Variants in MDFIC observed in about 807,000 individuals in gnomAD.
MDFIC encodes the protein MyoD family inhibitor domain containing, also known as myoD family inhibitor domain-containing protein.
Under a neutral mutation model 23.2 loss-of-function variants are expected in MDFIC, and 17 were observed. That is an observed-to-expected ratio of 0.73 (90% confidence interval 0.50 to 1.10). The LOEUF (loss-of-function observed/expected upper bound fraction) is 1.10, where lower values mean the gene tolerates loss of function less well. MDFIC is among the 50% of genes least tolerant of loss of function. The pLI is 0.00. For missense variants in MDFIC, 356 were observed against 316.6 expected (o/e 1.12, Z -0.95); for synonymous variants, 120 against 115.2 (o/e 1.04, Z -0.27).
intron 4 of MDFIC, among the ~76,000 whole-genome samples, chr7:114,991,309 C>T (rs1791153030): frequency 6.6e-6 from 1 of 152,126 alleles, no homozygotes; most frequent in Admixed American, 6.5e-5. Context: ...TGCCTGTTCA[C>T]TCTGATGGTA....
intron 4 of MDFIC, among the ~76,000 whole-genome samples, chr7:114,981,942 T>C (rs1793424280): frequency 6.6e-6 from 1 of 152,204 alleles, no homozygotes; most frequent in Non-Finnish European, 1.5e-5. Flanking sequence ...GTTGAACTGG[T>C]AGATGGCAAA....
Position 115,018,752 on chromosome 7 carries a change from T to C in MDFIC, c.*2817T>C, listed in dbSNP as rs1791845811. On this transcript the variant is annotated 3_prime_UTR_variant, in exon 5 of 5. Coordinates refer to ENST00000393486, the MANE Select transcript of MDFIC (RefSeq NM_001166345.3). Reference sequence around the variant, plus strand: ...TTTGAAAATTTTTAAAAATGACTTCTTTATTTTGCTTTACCGTATGTTTAT... The same window carrying C: ...TTTGAAAATTTTTAAAAATGACTTCCTTATTTTGCTTTACCGTATGTTTAT... The C allele has an allele frequency of 6.6e-6, 1 of 152,308 alleles. No individual in the cohort carries two copies. Among genetic ancestry groups the C allele is most frequent in the African/African-American group, 2.4e-5 (1 of 41,448 alleles). 9.4% of individuals were successfully genotyped at this position (152,308 alleles called of 1,614,324 possible). A position where few individuals can be genotyped will look rare whatever the true frequency, so the allele number is the denominator to read the frequency against.
chr7:114,966,290 T>G (rs1793094550), intron 3 of MDFIC, among the ~76,000 whole-genome samples: 1 of 152,124 alleles, frequency 6.6e-6, no homozygotes, highest in Non-Finnish European at 1.5e-5. Flanking sequence ...AAAGAATGAT[T>G]TGTGAGTGCC....
intron 4 of MDFIC, among the ~76,000 whole-genome samples, chr7:114,987,528 C>T (rs551551603): frequency 4.9e-4 from 75 of 152,232 alleles, no homozygotes; most frequent in African/African-American, 1.7e-3. Context: ...TTTTCTCAGG[C>T]GCAGTGCCTT....
chr7:115,001,993 C>T (rs1791474667), intron 4 of MDFIC, among the ~76,000 whole-genome samples: 1 of 151,978 alleles, frequency 6.6e-6, no homozygotes, highest in African/African-American at 2.4e-5. Context: ...AAAAATTAGC[C>T]AGGTGTGGTG....
At chr7:114,944,863 G>A (rs1470778588) in intron 3 of MDFIC, among the ~76,000 whole-genome samples, 1 of 152,216 alleles carries the variant, frequency 6.6e-6, no homozygotes, top group African/African-American at 2.4e-5. Context: ...TCCGATTCCA[G>A]GAGTCCTGTG....
intron 4 of MDFIC, among the ~76,000 whole-genome samples, chr7:115,003,240 T>C (rs1221220244): frequency 1.3e-5 from 2 of 152,152 alleles, no homozygotes; most frequent in African/African-American, 4.8e-5. Flanking sequence ...GAGTACATTC[T>C]TCCTGGGTGG....
chr7:114,992,528 A>G (rs1791196761), intron 4 of MDFIC, among the ~76,000 whole-genome samples: 1 of 152,226 alleles, frequency 6.6e-6, no homozygotes, highest in South Asian at 2.1e-4. Flanking sequence ...TGTCCCAGCA[A>G]TACCGAATTT....
chr7:114,933,282 G>A (rs1175283102), intron 2 of MDFIC, among the ~76,000 whole-genome samples: 3 of 140,996 alleles, frequency 2.1e-5, no homozygotes, highest in Non-Finnish European at 4.5e-5. Flanking sequence ...CTTTTGAGAC[G>A]GAGTCTCACT....
intron 3 of MDFIC, among the ~76,000 whole-genome samples, chr7:114,956,129 A>G (rs1792878037): frequency 6.6e-6 from 1 of 152,142 alleles, no homozygotes; most frequent in East Asian, 1.9e-4. Flanking sequence ...CAGTTGTTCC[A>G]AGTTATAACC....
chr7:114,923,596 G>A (rs2115662548), intron 2 of MDFIC: 6 of 1,491,002 alleles, frequency 4.0e-6, no homozygotes, highest in African/African-American at 1.4e-5. Context: ...CTTTGGAATG[G>A]CTTATGCTTG....
At chr7:114,980,772 G>A (rs1793404235) in intron 4 of MDFIC, among the ~76,000 whole-genome samples, 1 of 152,102 alleles carries the variant, frequency 6.6e-6, no homozygotes, top group Non-Finnish European at 1.5e-5. Context: ...GAAATTTTGT[G>A]GAATGCCTCT....
intron 4 of MDFIC, among the ~76,000 whole-genome samples, chr7:115,014,929 AG>A (rs1791764296): frequency 6.6e-6 from 1 of 152,194 alleles, no homozygotes; most frequent in Admixed American, 6.5e-5. Context: ...ACATTATTAG[AG>A]ATGTGTCAGG....
intron 2 of MDFIC, among the ~76,000 whole-genome samples, chr7:114,926,464 T>C (rs1366354642): frequency 6.6e-6 from 1 of 152,190 alleles, no homozygotes; most frequent in African/African-American, 2.4e-5. Context: ...GCTTGGGATA[T>C]TGTGAATCAC....
chr7:115,014,408 T>C, intron 4 of MDFIC: 3 of 1,289,496 alleles, frequency 2.3e-6, no homozygotes, highest in Non-Finnish European at 3.0e-6. Context: ...TTTTTTATTA[T>C]AGCATGGCTG....
intron 2 of MDFIC, chr7:114,923,466 C>G: frequency 3.9e-6 from 6 of 1,537,858 alleles, no homozygotes; most frequent in Non-Finnish European, 5.2e-6. Flanking sequence ...TAGGTCTCTT[C>G]AGCAGATCCA....
intron 3 of MDFIC, among the ~76,000 whole-genome samples, 199 bp from the exon 4 acceptor site, chr7:114,979,307 C>T (rs1401423295): frequency 2.0e-5 from 3 of 151,982 alleles, no homozygotes; most frequent in Non-Finnish European, 2.9e-5. Flanking sequence ...TTTTGATGAC[C>T]CCGTTCCCAT....
chr7:114,976,809 C>G (rs1466685258), intron 3 of MDFIC, among the ~76,000 whole-genome samples: 2 of 151,806 alleles, frequency 1.3e-5, no homozygotes, highest in Non-Finnish European at 2.9e-5. Flanking sequence ...TGAACAAGAA[C>G]TGAAGTAAAC....
intron 4 of MDFIC, among the ~76,000 whole-genome samples, chr7:114,986,049 T>G (rs1424740238): frequency 4.3e-5 from 5 of 116,212 alleles, no homozygotes; most frequent in Non-Finnish European, 9.3e-5. Context: ...TTTTTTTTTG[T>G]ACATTAATAA....
Sources: gnomAD v4.1 joint callset for allele counts (sites outside exome capture counted in the v4.1 genomes callset) on GRCh38, gnomAD v4.1.1 for gene constraint, MANE v1.5 for transcripts, NCBI Gene and HGNC (gene_info 2026-07-23, HGNC 2026-07-21) for gene names.